Variants in SCLT1 observed in about 807,000 individuals in gnomAD.
SCLT1 encodes the protein sodium channel-associated protein 1.
Under a neutral mutation model 112.8 loss-of-function variants are expected in SCLT1, and 78 were observed. That is an observed-to-expected ratio of 0.69 (90% CI 0.58 to 0.83). The LOEUF is 0.83. Among genes scored for constraint, SCLT1 ranks in the 40% least tolerant of loss-of-function variants. The pLI is 0.00. For missense variants in SCLT1, 747 were observed against 770.4 expected (o/e 0.97, Z 0.36); for synonymous variants, 257 against 254.7 (o/e 1.01, Z -0.09).
chr4:128,934,132 T>C (rs1020208691), intron 18 of SCLT1, among the ~76,000 whole-genome samples: 3 of 152,124 alleles, frequency 2.0e-5, no homozygotes, highest in South Asian at 4.1e-4. Flanking sequence ...ATTAAGCTTA[T>C]AAATCTACAA....
At chr4:129,060,198 C>T (rs1267796225) in intron 2 of SCLT1, among the ~76,000 whole-genome samples, 1 of 152,070 alleles carries the variant, frequency 6.6e-6, no homozygotes, top group Non-Finnish European at 1.5e-5. Context: ...AGTGATTTCT[C>T]TTTGTTAAAT....
At chr4:129,003,691 A>C in intron 6 of SCLT1, 50 bp downstream of exon 6, 2 of 1,372,230 alleles carry the variant, frequency 1.5e-6, no homozygotes, top group South Asian at 2.6e-5. Flanking sequence ...TGAATTTTTA[A>C]AAAGGTATGT....
Position 128,997,933 on chromosome 4 carries a change from G to T in SCLT1, c.556C>A (p.Leu186Ile). Residue 186 changes from leucine (L) to isoleucine (I), a missense_variant, in exon 8 of 21, where the codon CTA (leucine) becomes ATA (isoleucine). Coordinates refer to ENST00000281142, the MANE Select transcript of SCLT1 (RefSeq NM_144643.4). ...VFESQKQKDQLFDFQQLTKQL... is the reference protein window; with the variant it reads ...VFESQKQKDQIFDFQQLTKQL... ...TTGGTCAGTTGTTGAAAATCAAATA[G>T]CTGATCCTACAGTGGGAAGGTAAGG... 1 of 1,504,852 alleles carries T rather than the reference G, an allele frequency of 6.6e-7. No individual in the cohort carries two copies. 93.2% of individuals were successfully genotyped at this position (1,504,852 alleles called of 1,614,324 possible).
At chr4:129,032,243 A>T (rs1219152325) in intron 5 of SCLT1, among the ~76,000 whole-genome samples, 1 of 152,162 alleles carries the variant, frequency 6.6e-6, no homozygotes, top group East Asian at 1.9e-4. Flanking sequence ...TGGGGAAAGG[A>T]TTCCCTATTT....
chr4:128,998,610 T>C (rs2126080276), intron 7 of SCLT1, among the ~76,000 whole-genome samples: 1 of 151,890 alleles, frequency 6.6e-6, no homozygotes, highest in East Asian at 1.9e-4. Context: ...AAACCCAACC[T>C]TGTGGGCTTA....
chr4:128,894,932 C>T (rs1733620512), intron 18 of SCLT1, among the ~76,000 whole-genome samples: 1 of 152,158 alleles, frequency 6.6e-6, no homozygotes, highest in Non-Finnish European at 1.5e-5. Context: ...CCCTCCTTGG[C>T]CTCCTAAAGT....
rs1748420747 is a variant in SCLT1, at chr4:129,048,528, A to G, written c.103-4477T>C. 2.7e-5 allele frequency among the ~76,000 whole-genome samples: 4 copies of G among 150,868 alleles called. No individual in the cohort carries two copies. In the Admixed American group the frequency reaches 2.7e-4, roughly 10 times the overall value. ...TTAGACCTAAAACCATAAAAACCCT[A>G]GAAGAAAACCTAGGCATTACCATTC... is the stretch of plus-strand genomic sequence containing the variant. On this transcript the variant is annotated intron_variant, in intron 2 of 20. Transcript: ENST00000281142.
At chr4:129,048,827 A>ACAGACACTTCTC (rs1748457082) in intron 2 of SCLT1, among the ~76,000 whole-genome samples, 1 of 152,312 alleles carries the variant, frequency 6.6e-6, no homozygotes, top group Non-Finnish European at 1.5e-5. Context: ...AAGGATATGA[A>ACAGACACTTCTC]CAGACACTTC....
At chr4:128,895,339 T>A (rs1206282809) in intron 18 of SCLT1, among the ~76,000 whole-genome samples, 2 of 152,208 alleles carry the variant, frequency 1.3e-5, no homozygotes, top group African/African-American at 4.8e-5. Flanking sequence ...TCCAAATTCC[T>A]GAGAATGTCA....
chr4:129,050,851 T>C (rs991124904), intron 2 of SCLT1, among the ~76,000 whole-genome samples: 3 of 152,194 alleles, frequency 2.0e-5, no homozygotes, highest in African/African-American at 7.2e-5. Flanking sequence ...TACTGGGCTT[T>C]TTATGGTTTT....
intron 2 of SCLT1, among the ~76,000 whole-genome samples, chr4:129,070,062 T>C (rs1252477636): frequency 6.6e-6 from 1 of 152,196 alleles, no homozygotes; most frequent in African/African-American, 2.4e-5. Context: ...TCACACGTAT[T>C]GACTTGCATA....
intron 2 of SCLT1, among the ~76,000 whole-genome samples, chr4:129,044,300 C>G (rs1389394741): frequency 6.6e-6 from 1 of 151,896 alleles, no homozygotes; most frequent in Non-Finnish European, 1.5e-5. Context: ...ATAAAAATAT[C>G]TGCCAGAAAT....
At chr4:129,068,725 T>C (rs1293342180) in intron 2 of SCLT1, among the ~76,000 whole-genome samples, 2 of 152,224 alleles carry the variant, frequency 1.3e-5, no homozygotes, top group African/African-American at 4.8e-5. Context: ...CTGTGGATTG[T>C]CTGTTTACTC....
rs779934171 is a variant in SCLT1 at position 128,959,739 on chromosome 4, G to C, written c.908C>G (p.Thr303Ser). ...CTGTTTTTCCAGATGTGTATTTTCG[G>C]TTCTTAATTGGTTGGCTTCTTGGAT... ...VTIQEANQLR[T>S]ENTHLEKQTR... is the part of the protein sequence containing the mutation. The change falls in exon 12 of 21, where the codon ACC becomes AGC. Residue 303 changes from threonine (T) to serine (S), a missense_variant. Coordinates refer to ENST00000281142, the MANE Select transcript of SCLT1 (RefSeq NM_144643.4). 2.5e-6 allele frequency: 4 copies of C among 1,613,306 alleles called. No homozygotes were observed. The South Asian group carries it at 4.4e-5, about 18-fold the overall frequency.
At chr4:129,056,253 G>C (rs1469721494) in intron 2 of SCLT1, among the ~76,000 whole-genome samples, 2 of 152,130 alleles carry the variant, frequency 1.3e-5, no homozygotes, top group Non-Finnish European at 2.9e-5. Context: ...ATGTCTATCT[G>C]CCAGTACTAT....
At chr4:128,905,458 T>C (rs1234468316) in intron 18 of SCLT1, among the ~76,000 whole-genome samples, 1 of 152,232 alleles carries the variant, frequency 6.6e-6, no homozygotes, top group East Asian at 1.9e-4. Context: ...ACAGTAGTTA[T>C]AAGTGGTCTT....
intron 2 of SCLT1, among the ~76,000 whole-genome samples, chr4:129,054,647 C>T (rs988820072): frequency 5.3e-5 from 8 of 152,044 alleles, no homozygotes; most frequent in African/African-American, 1.9e-4. Flanking sequence ...GTTAGCAGCT[C>T]CTGTAACCTT....
chr4:129,018,596 A>T (rs994581195), intron 5 of SCLT1, among the ~76,000 whole-genome samples: 3 of 152,222 alleles, frequency 2.0e-5, no homozygotes, highest in African/African-American at 7.2e-5. Flanking sequence ...TAAACTGGAA[A>T]TTATAAAGAA....
intron 18 of SCLT1, among the ~76,000 whole-genome samples, chr4:128,908,908 G>A (rs959349607): frequency 2.6e-5 from 4 of 152,272 alleles, no homozygotes; most frequent in Admixed American, 1.3e-4. Context: ...GACATGCAAC[G>A]TAAGCAATAA....
Sources: gnomAD v4.1 joint callset for allele counts (sites outside exome capture counted in the v4.1 genomes callset) on GRCh38, gnomAD v4.1.1 for gene constraint, MANE v1.5 for transcripts, NCBI Gene and HGNC (gene_info 2026-07-23, HGNC 2026-07-21) for gene names.